HDX: variants seen among roughly 807,000 people sequenced by gnomAD.
HDX encodes the protein highly divergent homeobox.
Under a neutral mutation model 45.2 loss-of-function variants are expected in HDX, and 19 were observed. That is an observed-to-expected ratio of 0.42 (90% CI 0.29 to 0.62). The LOEUF is 0.62. Ranked by LOEUF, HDX falls within the 20% of genes least tolerant of loss-of-function variation. The pLI is 0.20. For synonymous variants in HDX, 188 were observed against 172.8 expected, an observed-to-expected ratio of 1.09 and a Z score of -0.69; for missense variants, 532 against 493.9, an observed-to-expected ratio of 1.08 and a Z score of -0.73.
At chrX:84,421,851 G>A (rs1020474431) in intron 5 of HDX, among the ~76,000 whole-genome samples, 2 of 111,072 alleles carry the variant, frequency 1.8e-5, no homozygotes, top group Middle Eastern at 8.4e-3. Flanking sequence ...AATTCAGCAA[G>A]AGGATATAAG....
intron 5 of HDX, among the ~76,000 whole-genome samples, chrX:84,391,963 T>C (rs755855366): frequency 5.4e-5 from 6 of 111,775 alleles, no homozygotes; most frequent in Non-Finnish European, 9.4e-5. Context: ...CTTGTCTATT[T>C]GTGTTTTGTT....
chrX:84,369,044 A>T (rs1364753662), intron 5 of HDX, among the ~76,000 whole-genome samples: 1 of 110,678 alleles, frequency 9.0e-6, no homozygotes, highest in Non-Finnish European at 1.9e-5. Context: ...TCCATGGCTC[A>T]TGGAGTGGGA....
At chrX:84,349,603 G>A (rs1001998356) in intron 6 of HDX, among the ~76,000 whole-genome samples, 4 of 78,573 alleles carry the variant, frequency 5.1e-5, no homozygotes, top group Non-Finnish European at 9.1e-5. Flanking sequence ...ATGTTTATGT[G>A]TGTGTGTATA....
rs1279070972 is a variant in HDX, at chrX:84,440,567, C to G, written c.1270G>C (p.Val424Leu). 1.0e-5 allele frequency: 12 copies of G among 1,180,623 alleles called. No homozygotes were observed. Among genetic ancestry groups the G allele is most frequent in the Admixed American group, 4.5e-5 (2 of 44,740 alleles). Residue 424 changes from valine to leucine, a missense_variant, in exon 5 of 11, where the codon GTG becomes CTG. Around this residue, in one of 3 missense-constraint regions of HDX, gnomAD observed 376 missense variants for 343.7 expected, o/e 1.09. Transcript: ENST00000373177. ...NNYQISGNLT[V>L]PWITGCSRKR... ...CTAGAACACCCTGTAATCCAAGGCA[C>G]AGTAAGGTTTCCTGAAATCTGTGAA...
At chrX:84,445,292 C>T (rs1316700760) in intron 4 of HDX, among the ~76,000 whole-genome samples, 1 of 111,378 alleles carries the variant, frequency 9.0e-6, no homozygotes, top group Admixed American at 9.6e-5. Context: ...AAGAAATAAC[C>T]AGACCTCTCA....
Position 84,417,218 on chromosome X carries a change from G to GAAAAAGAAAGAAAGAAAGAAAGAA in HDX, c.1305+23313_1305+23314insTTCTTTCTTTCTTTCTTTCTTTTT, listed in dbSNP as rs61537095. Among the ~76,000 whole-genome samples the GAAAAAGAAAGAAAGAAAGAAAGAA allele has an allele frequency of 2.3e-3, 235 of 100,289 alleles. 4 individuals are homozygous for GAAAAAGAAAGAAAGAAAGAAAGAA. The East Asian group carries it at 0.031, about 13-fold the overall frequency. 87.1% of individuals were successfully genotyped at this position (100,289 alleles called of 115,157 possible). A position where few individuals can be genotyped will look rare whatever the true frequency, so the allele number is the denominator to read the frequency against. On this transcript the variant is annotated intron_variant, in intron 5 of 10. Coordinates refer to ENST00000373177, the MANE Select transcript of HDX (RefSeq NM_001177479.2). ...AAAGAAAGAAGAAAGAAAAAAAAGA[G>GAAAAAGAAAGAAAGAAAGAAAGAA]AGAAAGAAAGAAAGAAAGAAAGAAA...
intron 5 of HDX, among the ~76,000 whole-genome samples, chrX:84,386,575 T>A (rs1044998295): frequency 1.8e-5 from 2 of 111,916 alleles, no homozygotes; most frequent in Non-Finnish European, 3.8e-5. Flanking sequence ...CCTGATTCAA[T>A]CATAGAAGAC....
chrX:84,498,328 C>T (rs1393972004), intron 1 of HDX, among the ~76,000 whole-genome samples: 3 of 111,724 alleles, frequency 2.7e-5, no homozygotes, highest in East Asian at 5.6e-4. Context: ...CAGGTTTCAA[C>T]TTATTTCCTT....
chrX:84,439,536 A>C (rs756159937), intron 5 of HDX, among the ~76,000 whole-genome samples: 81 of 111,322 alleles, frequency 7.3e-4, no homozygotes, highest in African/African-American at 2.5e-3. Flanking sequence ...TATAGTTTTC[A>C]GTCTTACATT....
At chrX:84,417,162 G>T (rs1223469439) in intron 5 of HDX, among the ~76,000 whole-genome samples, 2 of 94,920 alleles carry the variant, frequency 2.1e-5, no homozygotes, top group Non-Finnish European at 4.2e-5. Context: ...AAGAAAGAAA[G>T]AAAGAAAGAA....
intron 5 of HDX, among the ~76,000 whole-genome samples, chrX:84,425,058 A>G (rs938573235): frequency 9.0e-6 from 1 of 111,427 alleles, no homozygotes; most frequent in Non-Finnish European, 1.9e-5. Context: ...ATATTTGCAA[A>G]CTACCCATCT....
chrX:84,466,103 C>T, intron 4 of HDX, among the ~76,000 whole-genome samples: 1 of 112,220 alleles, frequency 8.9e-6, no homozygotes, highest in Non-Finnish European at 1.9e-5. Context: ...TAACTTACTT[C>T]CAGTCTTCTT....
intron 2 of HDX, among the ~76,000 whole-genome samples, chrX:84,477,002 C>T (rs1355932376): frequency 8.9e-6 from 1 of 111,797 alleles, no homozygotes; most frequent in Non-Finnish European, 1.9e-5. Flanking sequence ...CTAAACCGAA[C>T]GAAATTTTCA....
chrX:84,489,624 T>A (rs956580263), intron 1 of HDX, among the ~76,000 whole-genome samples: 4 of 111,920 alleles, frequency 3.6e-5, no homozygotes, highest in African/African-American at 1.3e-4. Flanking sequence ...CAACTGTCTA[T>A]ACAATGCAAG....
At chrX:84,407,641 T>G (rs1003622245) in intron 5 of HDX, among the ~76,000 whole-genome samples, 9 of 111,767 alleles carry the variant, frequency 8.1e-5, no homozygotes. Context: ...ATCTAATTGC[T>G]TTCCACAATG....
intron 5 of HDX, among the ~76,000 whole-genome samples, chrX:84,410,890 C>A (rs2038967225): frequency 9.0e-6 from 1 of 111,311 alleles, no homozygotes; most frequent in African/African-American, 3.3e-5. Flanking sequence ...CTGATTAAAT[C>A]TTGGAGGGTT....
At chrX:84,398,905 T>C (rs1311685305) in intron 5 of HDX, among the ~76,000 whole-genome samples, 3 of 111,592 alleles carry the variant, frequency 2.7e-5, no homozygotes, top group Non-Finnish European at 5.6e-5. Flanking sequence ...AACTCAGGAT[T>C]AAGGAACTCA....
chrX:84,482,503 G>A (rs1048289276), intron 2 of HDX, among the ~76,000 whole-genome samples: 1 of 111,431 alleles, frequency 9.0e-6, no homozygotes, highest in African/African-American at 3.3e-5. Flanking sequence ...CAAAGTGGAA[G>A]CCCCTTATAA....
chrX:84,482,666 G>A (rs1242810080), intron 2 of HDX, among the ~76,000 whole-genome samples: 1 of 111,149 alleles, frequency 9.0e-6, no homozygotes, highest in Non-Finnish European at 1.9e-5. Context: ...TGGGGACACA[G>A]CCAAACCATA....
Sources: allele counts gnomAD v4.1 joint callset (sites outside exome capture counted in the v4.1 genomes callset), GRCh38; gene constraint gnomAD v4.1.1; regional missense constraint gnomAD v4.1.1; transcripts MANE v1.5; gene names NCBI Gene and HGNC (gene_info 2026-07-23, HGNC 2026-07-21).